The following LPIN3 variants were observed in gnomAD, a reference collection of about 807,000 sequenced individuals.
LPIN3 encodes the protein lipin 3, also known as phosphatidate phosphatase LPIN3.
In LPIN3, 82 loss-of-function variants were observed where a neutral mutation model predicts 94.7. The ratio of observed to expected loss-of-function variants is 0.87; its 90% CI spans 0.72 to 1.04. The LOEUF (loss-of-function observed/expected upper bound fraction) is 1.04, where lower values mean the gene tolerates loss of function less well. LPIN3 is among the 50% of genes least tolerant of loss of function. The probability of loss-of-function intolerance (pLI) is 0.00; values close to 1 mark genes in which losing one functional copy is unlikely to be tolerated. For synonymous variants in LPIN3, 418 were observed against 443.3 expected (o/e 0.94, Z 0.72); for missense variants, 996 against 1,090.5 (o/e 0.91, Z 1.22).
At chr20:41,354,085 G>C (rs760852062) in intron 11 of LPIN3, among the ~76,000 whole-genome samples, 19 of 152,186 alleles carry the variant, frequency 1.2e-4, no homozygotes, top group Non-Finnish European at 1.8e-4. Flanking sequence ...ACTTGGCCTG[G>C]CCTCTCCCTG....
intron 17 of LPIN3, 23 bp downstream of exon 17, chr20:41,358,057 G>A: frequency 1.3e-6 from 2 of 1,576,460 alleles, no homozygotes; most frequent in Middle Eastern, 3.4e-4. Flanking sequence ...ACACATACAA[G>A]CCCGTGGCCC....
rs763885142 is a variant in LPIN3 at position 41,345,978 on chromosome 20, C to A, written c.175C>A (p.Arg59=). ...GCGTTTTGGCAAGCTGGGCGTCCTG[C>A]GGTCGCGGGAGAAGGTGGTGAGTGC... ...HVRFGKLGVL[R]SREKVVDIEL... The change falls in exon 2 of 20, where the codon CGG becomes AGG. Residue 59 remains arginine, a synonymous_variant. Coordinates refer to ENST00000373257, the MANE Select transcript of LPIN3 (RefSeq NM_022896.3). The A allele has an allele frequency of 1.9e-6, 3 of 1,613,382 alleles. No homozygotes were observed. The highest frequency in any genetic ancestry group is 2.5e-6 in the Non-Finnish European group (3 of 1,179,734).
chr20:41,350,712 T>C (rs1158359874), intron 7 of LPIN3, among the ~76,000 whole-genome samples: 3 of 151,858 alleles, frequency 2.0e-5, no homozygotes, highest in Middle Eastern at 6.8e-3. Context: ...GGAAGGGAAT[T>C]CTAGGCAGAG....
At position 41,354,652 on chromosome 20, in the gene LPIN3, T is replaced by C; in HGVS notation, c.1535T>C (p.Met512Thr). The C allele has an allele frequency of 2.5e-6, 4 of 1,584,476 alleles. No individual in the cohort carries two copies. Among genetic ancestry groups the C allele is most frequent in the Non-Finnish European group, 3.4e-6 (4 of 1,163,496 alleles). The change falls in exon 12 of 20, where the codon ATG becomes ACG. Residue 512 changes from methionine (M) to threonine (T), a missense_variant. Physicochemically the swap from Met to Thr is moderately conservative, Grantham distance 81. Coordinates refer to ENST00000373257, the MANE Select transcript of LPIN3 (RefSeq NM_022896.3). The stretch of plus-strand genomic sequence containing the variant: ...GCTTTCATCTGCCCACAGAGCACCA[T>C]GGACAAGCTGGAGAGGGAGAAGATG... ...AFQKNLPKST[M>T]DKLEREKMPR...
At chr20:41,342,815 G>A (rs535516009) in intron 1 of LPIN3, among the ~76,000 whole-genome samples, 4 of 152,194 alleles carry the variant, frequency 2.6e-5, no homozygotes, top group African/African-American at 4.8e-5. Context: ...CTGGACTCCC[G>A]TGACATTAGA....
chr20:41,350,414 C>G lies in LPIN3; in HGVS notation c.1102+17C>G. 1 of 1,534,658 alleles carries G rather than the reference C, an allele frequency of 6.5e-7. No homozygotes were observed. The highest frequency in any genetic ancestry group is 1.3e-5 in the South Asian group (1 of 79,890). ...GGGGGAAAGGTGAGTGACGCTGGGT[C>G]TCTCCCACTGCCTCCCTGGCCTCGC... On this transcript the variant is annotated intron_variant, in intron 7 of 19. Transcript: ENST00000373257.
chr20:41,358,623 C>T, intron 19 of LPIN3, 81 bp downstream of exon 19: 1 of 1,603,806 alleles, frequency 6.2e-7, no homozygotes, highest in Non-Finnish European at 8.5e-7. Context: ...AATTTTACCT[C>T]TTACCGGGGA....
At position 41,357,951 on chromosome 20, in the gene LPIN3, G is replaced by A; in HGVS notation, c.2109G>A (p.Leu703=). 1 of 1,613,978 alleles carries A rather than the reference G, an allele frequency of 6.2e-7. No individual in the cohort carries two copies. Among genetic ancestry groups the A allele is most frequent in the African/African-American group, 1.3e-5 (1 of 75,058 alleles). Residue 703 remains leucine (L), a synonymous_variant, in exon 17 of 20, where the codon CTG becomes CTA. Transcript: ENST00000373257. ...TGGCGGACCTCACCAAGGGGTACCT[G>A]CAGTGGGTGAGCGAGGGGGGCTGTA... ...IGMADLTKGY[L]QWVSEGGCSL...
chr20:41,343,802 G>A lies in LPIN3; in HGVS notation c.-8-1994G>A, dbSNP rs909746656. Among the ~76,000 whole-genome samples the A allele has an allele frequency of 3.9e-4, 59 of 152,258 alleles. 1 individual carries two copies. The highest frequency in any genetic ancestry group is 1.3e-3 in the African/African-American group (54 of 41,470). ...AGGCCAGGTGCAATGGCTCACGCCT[G>A]TAGTCCCGGCACTTTGGTAGGCCAA... On this transcript the variant is annotated intron_variant, in intron 1 of 19. Transcript: ENST00000373257.
rs754028062 is a variant in LPIN3 at position 41,352,227 on chromosome 20, T to C, written c.1363+7T>C. 1 of 1,613,992 alleles carries C rather than the reference T, an allele frequency of 6.2e-7. No homozygotes were observed. The highest frequency in any genetic ancestry group is 8.5e-7 in the Non-Finnish European group (1 of 1,179,938). On this transcript the variant is annotated splice_region_variant and intron_variant, in intron 9 of 19. Coordinates refer to ENST00000373257, the MANE Select transcript of LPIN3 (RefSeq NM_022896.3). Reference sequence around the variant, plus strand: ...AGCCGGGACATCTCCCTAGGTATGTTCGACCATGGCCAAGCCCTTTTGAGG... The same window carrying C: ...AGCCGGGACATCTCCCTAGGTATGTCCGACCATGGCCAAGCCCTTTTGAGG...
chr20:41,354,551 C>T (rs2046138732), intron 11 of LPIN3, 94 bp from the exon 12 acceptor site: 7 of 1,263,332 alleles, frequency 5.5e-6, no homozygotes, highest in Non-Finnish European at 7.6e-6. Context: ...TTGGCTCAGA[C>T]TCTGGGCTCA....
At position 41,358,985 on chromosome 20, in the gene LPIN3, G is replaced by T; in HGVS notation, c.*119G>T. 7.5e-7 allele frequency: 1 copy of T among 1,335,658 alleles called. No homozygotes were observed. Among genetic ancestry groups the T allele is most frequent in the East Asian group, 2.3e-5 (1 of 43,056 alleles). 82.7% of individuals were successfully genotyped at this position (1,335,658 alleles called of 1,614,324 possible). A position where few individuals can be genotyped will look rare whatever the true frequency, so the allele number is the denominator to read the frequency against. Reference sequence around the variant, plus strand: ...AAACCCACTGAAGGGGAAGGAGGAGGCTGCAGGTTGGTTGGCAGCTAGAGA... The same window carrying T: ...AAACCCACTGAAGGGGAAGGAGGAGTCTGCAGGTTGGTTGGCAGCTAGAGA... On this transcript the variant is annotated 3_prime_UTR_variant, in exon 20 of 20. Transcript: ENST00000373257.
Position 41,358,028 on chromosome 20 carries a change from T to G in LPIN3, c.2186T>G (p.Leu729Arg). 6.2e-7 allele frequency: 1 copy of G among 1,601,106 alleles called. No homozygotes were observed. The highest frequency in any genetic ancestry group is 8.5e-7 in the Non-Finnish European group (1 of 1,174,214). The change falls in exon 17 of 20, where the codon CTC (leucine) becomes CGC (arginine). Residue 729 changes from leucine (L) to arginine (R), a missense_variant. Physicochemically the swap from Leu to Arg is moderately radical, Grantham distance 102. Transcript: ENST00000373257. Reference sequence around the variant, plus strand: ...TCTCCCAGCAGCCTCTTCTCTGCCCTCCACAGGTAACCACCCCTACACATA... The same window carrying G: ...TCTCCCAGCAGCCTCTTCTCTGCCCGCCACAGGTAACCACCCCTACACATA... ...LLSPSSLFSA[L>R]HREVIEKKPE...
chr20:41,355,931 C>A lies in LPIN3; in HGVS notation c.1700C>A (p.Ala567Asp), dbSNP rs2046191732. The A allele has an allele frequency of 7.4e-6, 12 of 1,614,016 alleles. No individual in the cohort carries two copies. In the East Asian group the frequency reaches 2.7e-4, roughly 36 times the overall value. Reference sequence around the variant, plus strand: ...GAAGTCCTGAGCAGTGATGACGATGCCCCAGACAGCCCTGTGATCCTGGAG... The same window carrying A: ...GAAGTCCTGAGCAGTGATGACGATGACCCAGACAGCCCTGTGATCCTGGAG... The part of the protein sequence containing the change: ...KTEVLSSDDD[A>D]PDSPVILEIP... Residue 567 changes from alanine (A) to aspartate (D), a missense_variant, in exon 14 of 20, where the codon GCC becomes GAC. Coordinates refer to ENST00000373257, the MANE Select transcript of LPIN3 (RefSeq NM_022896.3).
In LPIN3 at chr20:41,349,158, G is replaced by T; in HGVS notation, c.624G>T (p.Trp208Cys). Reference sequence around the variant, plus strand: ...TCTACCCCTACTCGGATGGCGAGTGGCCCCCCCAGGCCAGGTAAGAGTCCA... The same window carrying T: ...TCTACCCCTACTCGGATGGCGAGTGTCCCCCCCAGGCCAGGTAAGAGTCCA... ...KDIYPYSDGEWPPQASLSAGE... is the reference protein window; with the variant it reads ...KDIYPYSDGECPPQASLSAGE... The change falls in exon 5 of 20, where the codon TGG becomes TGT. Residue 208 changes from tryptophan (W) to cysteine (C), a missense_variant. Transcript: ENST00000373257. 6.2e-7 allele frequency: 1 copy of T among 1,613,924 alleles called. No individual in the cohort carries two copies. Among genetic ancestry groups the T allele is most frequent in the Non-Finnish European group, 8.5e-7 (1 of 1,179,924 alleles).
intron 2 of LPIN3, among the ~76,000 whole-genome samples, chr20:41,347,194 A>G (rs1021456000): frequency 2.6e-5 from 4 of 152,240 alleles, no homozygotes; most frequent in African/African-American, 7.2e-5. Flanking sequence ...CACAGCGATC[A>G]CAAGAGAGAC....
At chr20:41,349,634 T>C in intron 5 of LPIN3, 140 bp from the exon 6 acceptor site, 1 of 1,048,684 alleles carries the variant, frequency 9.5e-7, no homozygotes, top group Non-Finnish European at 1.3e-6. Context: ...GTATACTCTT[T>C]AGATCTTTAC....
intron 2 of LPIN3, 71 bp downstream of exon 2, chr20:41,346,066 C>G: frequency 6.6e-7 from 1 of 1,510,186 alleles, no homozygotes; most frequent in South Asian, 1.2e-5. Flanking sequence ...CACTACAGTC[C>G]CAGGACAGGA....
At chr20:41,358,694 C>T (rs746087475) in intron 19 of LPIN3, 28 bp from the exon 20 acceptor site, 3 of 1,611,762 alleles carry the variant, frequency 1.9e-6, no homozygotes, top group Non-Finnish European at 2.5e-6. Flanking sequence ...GCAGCTCAGG[C>T]TCAGTGCTGG....
Sources: allele counts gnomAD v4.1 joint callset (sites outside exome capture counted in the v4.1 genomes callset), GRCh38; gene constraint gnomAD v4.1.1; transcripts MANE v1.5; gene names NCBI Gene and HGNC (gene_info 2026-07-23, HGNC 2026-07-21).